Variants in NBEA observed in about 807,000 individuals in gnomAD.
The protein encoded by NBEA is neurobeachin.
Under a neutral mutation model 343.4 loss-of-function variants are expected in NBEA, and 44 were observed. The ratio of observed to expected loss-of-function variants is 0.13; its 90% confidence interval spans 0.10 to 0.16. NBEA has a LOEUF of 0.16. Among genes scored for constraint, NBEA ranks in the 10% least tolerant of loss-of-function variants. NBEA has a pLI of 1.00. For synonymous variants in NBEA, 1,175 were observed against 1,238.7 expected (o/e 0.95, Z 1.08); for missense variants, 2,555 against 3,631.3 (o/e 0.70, Z 7.62).
intron 46 of NBEA, among the ~76,000 whole-genome samples, chr13:35,586,647 T>C (rs1487263081): frequency 6.6e-6 from 1 of 152,216 alleles, no homozygotes; most frequent in Non-Finnish European, 1.5e-5. Context: ...ACTTTTTAAA[T>C]CCGGCACTTT....
intron 45 of NBEA, among the ~76,000 whole-genome samples, chr13:35,577,995 A>G (rs919964900): frequency 2.6e-5 from 4 of 152,226 alleles, no homozygotes; most frequent in Non-Finnish European, 5.9e-5. Flanking sequence ...GTTCATGACT[A>G]AAAAACAAAA....
intron 17 of NBEA, among the ~76,000 whole-genome samples, chr13:35,126,774 C>T (rs778875765): frequency 5.3e-5 from 8 of 151,698 alleles, no homozygotes; most frequent in South Asian, 4.2e-4. Flanking sequence ...AAAAATTAGC[C>T]GGGCATGGTG....
At chr13:35,547,247 AC>A (rs35824317) in intron 41 of NBEA, among the ~76,000 whole-genome samples, 9,163 of 152,236 alleles carry the variant, frequency 0.06, 296 homozygotes, top group South Asian at 0.091. Context: ...ATAGCTTTGG[AC>A]CTTTGGATCT....
At chr13:35,197,653 C>T (rs984483523) in intron 31 of NBEA, among the ~76,000 whole-genome samples, 12 of 152,014 alleles carry the variant, frequency 7.9e-5, no homozygotes, top group Non-Finnish European at 1.5e-4. Context: ...GTAGCACCTG[C>T]CACCACGCCT....
intron 38 of NBEA, among the ~76,000 whole-genome samples, chr13:35,406,122 G>A (rs1357545869): frequency 6.6e-6 from 1 of 152,054 alleles, no homozygotes; most frequent in Non-Finnish European, 1.5e-5. Flanking sequence ...AGAGCTTATT[G>A]AATAAAGCTA....
intron 1 of NBEA, among the ~76,000 whole-genome samples, chr13:34,993,154 C>T (rs1366039548): frequency 2.0e-5 from 3 of 152,104 alleles, no homozygotes; most frequent in Admixed American, 6.6e-5. Flanking sequence ...ATTTGGTGAC[C>T]CTGTTATTTC....
intron 38 of NBEA, among the ~76,000 whole-genome samples, chr13:35,362,883 CTT>C (rs2040890016): frequency 6.6e-6 from 1 of 151,796 alleles, no homozygotes; most frequent in Admixed American, 6.6e-5. Flanking sequence ...AAAATAATAA[CTT>C]AAAGTGACAT....
intron 13 of NBEA, among the ~76,000 whole-genome samples, chr13:35,114,041 C>T (rs190910252): frequency 9.2e-5 from 14 of 152,280 alleles, no homozygotes; most frequent in Admixed American, 5.2e-4. Flanking sequence ...TTCCTTATCC[C>T]GCCCTGAAAT....
At position 35,432,410 on chromosome 13, in the gene NBEA, C is replaced by T. The variant is rs760325676; in HGVS notation, c.6304+17C>T. ...TAGAATATGGTTAGTACCAATGCTT[C>T]TTCCACAAAAATACTTCTGGATGTG... On this transcript the variant is annotated intron_variant, in intron 39 of 58. Transcript: ENST00000379939. 6.5e-7 allele frequency: 1 copy of T among 1,540,652 alleles called. No individual in the cohort carries two copies. Among genetic ancestry groups the T allele is most frequent in the South Asian group, 1.3e-5 (1 of 78,590 alleles).
At chr13:35,035,208 T>C (rs1439318707) in intron 1 of NBEA, among the ~76,000 whole-genome samples, 1 of 151,916 alleles carries the variant, frequency 6.6e-6, no homozygotes, top group Non-Finnish European at 1.5e-5. Flanking sequence ...TTTTGGTATG[T>C]TGTGTTTCTG....
At chr13:35,137,452 AAAAAAAAAAAAGCCCTTCATGTGGT>A (rs2067804988) in intron 17 of NBEA, among the ~76,000 whole-genome samples, 1 of 148,112 alleles carries the variant, frequency 6.8e-6, no homozygotes, top group African/African-American at 2.5e-5. Context: ...ACAGTCTCCA[AAAAAAAAAAAAGCCCTTCATGTGGT>A]AAAGAAAGTC....
chr13:35,219,745 A>C (rs1447069141), intron 33 of NBEA, among the ~76,000 whole-genome samples: 1 of 152,112 alleles, frequency 6.6e-6, no homozygotes, highest in Admixed American at 6.6e-5. Flanking sequence ...AAGACTGAAG[A>C]AGAGCCGATG....
chr13:35,581,705 G>C (rs920370429), intron 45 of NBEA, among the ~76,000 whole-genome samples: 17 of 137,702 alleles, frequency 1.2e-4, no homozygotes, highest in Non-Finnish European at 2.3e-4. Flanking sequence ...GACACAGGAA[G>C]GGGAACATCA....
chr13:35,012,937 A>G (rs2152534845), intron 1 of NBEA, among the ~76,000 whole-genome samples: 1 of 152,328 alleles, frequency 6.6e-6, no homozygotes, highest in East Asian at 1.9e-4. Flanking sequence ...CGAGAATTGA[A>G]TGGCATTAGG....
chr13:35,574,390 G>A (rs77590619), intron 45 of NBEA, among the ~76,000 whole-genome samples: 35,444 of 134,340 alleles, frequency 0.26, 5,228 homozygotes, highest in African/African-American at 0.41. Flanking sequence ...CAAAAAAAAA[G>A]AAAAACAAAA....
At chr13:35,666,310 A>G (rs1364366912) in intron 56 of NBEA, among the ~76,000 whole-genome samples, 1 of 151,998 alleles carries the variant, frequency 6.6e-6, no homozygotes, top group Non-Finnish European at 1.5e-5. Context: ...AAATTTTGGT[A>G]TCTAAGAATA....
intron 44 of NBEA, among the ~76,000 whole-genome samples, chr13:35,565,798 ATTT>A (rs1270830510): frequency 2.0e-5 from 3 of 152,162 alleles, no homozygotes; most frequent in African/African-American, 7.2e-5. Flanking sequence ...TACCTGAAAT[ATTT>A]AAGTCATTCT....
At chr13:35,175,372 A>C (rs1029393711) in intron 27 of NBEA, among the ~76,000 whole-genome samples, 1 of 152,222 alleles carries the variant, frequency 6.6e-6, no homozygotes, top group African/African-American at 2.4e-5. Flanking sequence ...TCCCCTGTCT[A>C]GCAGTTTGAC....
chr13:34,969,564 C>T (rs756946270), intron 1 of NBEA, among the ~76,000 whole-genome samples: 6 of 151,836 alleles, frequency 4.0e-5, no homozygotes, highest in African/African-American at 4.8e-5. Flanking sequence ...CTTGACCCTC[C>T]GATAGGCCCA....
Sources: allele counts gnomAD v4.1 joint callset (sites outside exome capture counted in the v4.1 genomes callset), GRCh38; gene constraint gnomAD v4.1.1; transcripts MANE v1.5; gene names NCBI Gene and HGNC (gene_info 2026-07-23, HGNC 2026-07-21).